The following SLC39A11 variants were observed in gnomAD, a reference collection of about 807,000 sequenced individuals.
The protein encoded by SLC39A11 is zinc transporter ZIP11.
SLC39A11 carries 33 observed loss-of-function variants against 36.1 expected under a neutral mutation model. The observed-to-expected ratio is 0.91, with a 90% confidence interval of 0.69 to 1.22. The LOEUF (loss-of-function observed/expected upper bound fraction) is 1.22. Among genes scored for constraint, SLC39A11 ranks in the 50% most tolerant of loss-of-function variants. The pLI is 0.00. For synonymous variants in SLC39A11, 166 were observed against 170.3 expected (o/e 0.97, Z 0.20); for missense variants, 432 against 430.3 (o/e 1.00, Z -0.03).
chr17:73,010,754 A>G (rs1000053172), intron 4 of SLC39A11, among the ~76,000 whole-genome samples: 1 of 152,124 alleles, frequency 6.6e-6, no homozygotes, highest in African/African-American at 2.4e-5. Flanking sequence ...TTTCAGATTA[A>G]GCTTTTCTTT....
At chr17:72,826,545 G>A (rs948665696) in intron 6 of SLC39A11, among the ~76,000 whole-genome samples, 2 of 152,088 alleles carry the variant, frequency 1.3e-5, no homozygotes, top group Admixed American at 1.3e-4. Context: ...TTTAGAAAAG[G>A]GTTAAAATCA....
chr17:72,975,144 T>C (rs2087751889), intron 4 of SLC39A11, among the ~76,000 whole-genome samples: 2 of 152,066 alleles, frequency 1.3e-5, no homozygotes, highest in African/African-American at 2.4e-5. Context: ...TTAGTGCCCT[T>C]ATAAAGAGGT....
At chr17:72,715,117 A>G (rs2073294773) in intron 7 of SLC39A11, among the ~76,000 whole-genome samples, 1 of 152,192 alleles carries the variant, frequency 6.6e-6, no homozygotes, top group African/African-American at 2.4e-5. Flanking sequence ...GGTTGGCTGC[A>G]TACATCTCAT....
chr17:72,881,982 T>C (rs2081213997), intron 5 of SLC39A11, among the ~76,000 whole-genome samples: 1 of 152,216 alleles, frequency 6.6e-6, no homozygotes, highest in African/African-American at 2.4e-5. Context: ...GAGGTGGTTG[T>C]TACTGTTAAC....
chr17:72,886,476 C>T (rs982695668), intron 5 of SLC39A11, among the ~76,000 whole-genome samples: 19 of 152,090 alleles, frequency 1.2e-4, no homozygotes, highest in Non-Finnish European at 7.4e-5. Flanking sequence ...CTTACCTATC[C>T]GCAAATCCCA....
At chr17:72,809,631 G>A (rs2077372609) in intron 6 of SLC39A11, among the ~76,000 whole-genome samples, 1 of 152,148 alleles carries the variant, frequency 6.6e-6, no homozygotes, top group Non-Finnish European at 1.5e-5. Context: ...CATTAAAAAG[G>A]TATGTCCAAA....
intron 7 of SLC39A11, among the ~76,000 whole-genome samples, chr17:72,702,250 T>C (rs1475043354): frequency 6.6e-6 from 1 of 152,226 alleles, no homozygotes; most frequent in African/African-American, 2.4e-5. Context: ...AGGAGGCTAC[T>C]GTTTTTTTCT....
chr17:72,990,127 A>C (rs1348702584), intron 4 of SLC39A11, among the ~76,000 whole-genome samples: 1 of 152,226 alleles, frequency 6.6e-6, no homozygotes, highest in Non-Finnish European at 1.5e-5. Context: ...TTAAACAAAA[A>C]TTGGTGACAT....
chr17:73,069,487 A>G (rs1174892045), intron 3 of SLC39A11, among the ~76,000 whole-genome samples: 1 of 152,256 alleles, frequency 6.6e-6, no homozygotes. Flanking sequence ...CTCCAAAGAA[A>G]GAAACAAATG....
intron 6 of SLC39A11, among the ~76,000 whole-genome samples, chr17:72,785,844 A>C (rs936000687): frequency 2.6e-5 from 4 of 152,252 alleles, no homozygotes; most frequent in African/African-American, 9.6e-5. Flanking sequence ...CTTGTCACTC[A>C]GAGATGCTAA....
chr17:72,781,298 A>G (rs1013876478), intron 6 of SLC39A11, among the ~76,000 whole-genome samples: 3 of 152,096 alleles, frequency 2.0e-5, no homozygotes, highest in Non-Finnish European at 4.4e-5. Context: ...AGCTTCAGAG[A>G]ACTCCTCCCA....
At chr17:73,030,263 G>A (rs1024922782) in intron 4 of SLC39A11, among the ~76,000 whole-genome samples, 1 of 152,216 alleles carries the variant, frequency 6.6e-6, no homozygotes, top group East Asian at 1.9e-4. Flanking sequence ...GGTCTGGGGG[G>A]TTGGGGACCT....
At chr17:72,702,466 C>T (rs2143073715) in intron 7 of SLC39A11, among the ~76,000 whole-genome samples, 1 of 152,292 alleles carries the variant, frequency 6.6e-6, no homozygotes, top group South Asian at 2.1e-4. Flanking sequence ...CCGCCTACAA[C>T]AAAGAATTAT....
intron 5 of SLC39A11, among the ~76,000 whole-genome samples, chr17:72,918,424 G>A (rs1232991304): frequency 6.6e-6 from 1 of 152,018 alleles, no homozygotes; most frequent in Non-Finnish European, 1.5e-5. Flanking sequence ...AAAGAAAAAA[G>A]AAAAGAGCAC....
chr17:72,842,326 C>A (rs1371997926), intron 6 of SLC39A11, among the ~76,000 whole-genome samples: 1 of 152,070 alleles, frequency 6.6e-6, no homozygotes, highest in African/African-American at 2.4e-5. Flanking sequence ...TATGATTCTT[C>A]ACAGTTATCA....
At chr17:72,908,911 C>T (rs929244194) in intron 5 of SLC39A11, among the ~76,000 whole-genome samples, 10 of 152,194 alleles carry the variant, frequency 6.6e-5, no homozygotes, top group Non-Finnish European at 1.3e-4. Context: ...TTTCCACTCC[C>T]TCTCCAAGGC....
intron 7 of SLC39A11, among the ~76,000 whole-genome samples, chr17:72,713,496 G>A (rs980197149): frequency 1.3e-5 from 2 of 152,158 alleles, no homozygotes; most frequent in African/African-American, 4.8e-5. Flanking sequence ...TGACTGCCAG[G>A]TCAACAGAGT....
At chr17:72,958,109 G>GCCAACAAAAACA (rs1201727326) in intron 4 of SLC39A11, among the ~76,000 whole-genome samples, 2 of 152,198 alleles carry the variant, frequency 1.3e-5, no homozygotes, top group Non-Finnish European at 2.9e-5. Flanking sequence ...AAAACATAAA[G>GCCAACAAAAACA]TGGGGAAAGG....
intron 6 of SLC39A11, among the ~76,000 whole-genome samples, chr17:72,815,266 T>C (rs996473094): frequency 3.3e-5 from 5 of 152,250 alleles, no homozygotes; most frequent in South Asian, 2.1e-4. Context: ...TAGGAAGACA[T>C]TGATATGAGA....
Sources: allele counts gnomAD v4.1 joint callset (sites outside exome capture counted in the v4.1 genomes callset), GRCh38; gene constraint gnomAD v4.1.1; transcripts MANE v1.5; gene names NCBI Gene and HGNC (gene_info 2026-07-23, HGNC 2026-07-21).